Variants in MAN1C1 observed in about 807,000 individuals in gnomAD.
MAN1C1 encodes the protein mannosyl-oligosaccharide 1,2-alpha-mannosidase IC.
MAN1C1 carries 49 observed loss-of-function variants against 71.5 expected under a neutral mutation model. The ratio of observed to expected loss-of-function variants is 0.69; its 90% CI spans 0.54 to 0.87. MAN1C1 has a LOEUF of 0.87. Among genes scored for constraint, MAN1C1 ranks in the 40% least tolerant of loss-of-function variants. The probability of loss-of-function intolerance (pLI) is 0.00; values close to 1 mark genes in which losing one functional copy is unlikely to be tolerated. For missense variants in MAN1C1, 743 were observed against 835.0 expected (o/e 0.89, Z 1.36); for synonymous variants, 352 against 343.7 (o/e 1.02, Z -0.27).
chr1:25,714,403 AT>A (rs1233476276), intron 2 of MAN1C1, among the ~76,000 whole-genome samples: 1 of 152,206 alleles, frequency 6.6e-6, no homozygotes, highest in Admixed American at 6.5e-5. Flanking sequence ...AAGTAAAACT[AT>A]TCTGGCTCTT....
At position 25,779,830 on chromosome 1, in the gene MAN1C1, T is replaced by TA. The variant is rs1274496610; in HGVS notation, c.1478-1107dup. Among the ~76,000 whole-genome samples, 11 of 152,172 alleles carry TA rather than the reference T, an allele frequency of 7.2e-5. No individual in the cohort carries two copies. The highest frequency in any genetic ancestry group is 2.7e-4 in the African/African-American group (11 of 41,434). On this transcript the variant is annotated intron_variant, in intron 9 of 11. Transcript: ENST00000374332. The surrounding 1 kb of genome is among the most constrained non-coding windows in gnomAD (Gnocchi z 4.6). ...CCTGCAAACCTCTAACCCCTGCCTC[T>TA]AAAGTAAAAGCAACCTAGGGCCTCT...
intron 1 of MAN1C1, among the ~76,000 whole-genome samples, chr1:25,641,573 A>G (rs1441016225): frequency 1.3e-5 from 2 of 152,224 alleles, no homozygotes; most frequent in Non-Finnish European, 2.9e-5. Context: ...TTTAGTAAAT[A>G]CTGATGCCTG....
chr1:25,678,937 C>T (rs565573021), intron 1 of MAN1C1, among the ~76,000 whole-genome samples: 1 of 152,164 alleles, frequency 6.6e-6, no homozygotes, highest in South Asian at 2.1e-4. Flanking sequence ...TGCTTTTCTT[C>T]AGCGAGCTTG....
intron 2 of MAN1C1, among the ~76,000 whole-genome samples, chr1:25,709,270 G>T (rs1409365859): frequency 6.6e-6 from 1 of 152,190 alleles, no homozygotes; most frequent in Admixed American, 6.5e-5. Context: ...CACGGAGGAG[G>T]CAGTAAGACC....
chr1:25,714,339 T>C (rs2046651775), intron 2 of MAN1C1, among the ~76,000 whole-genome samples: 1 of 152,184 alleles, frequency 6.6e-6, no homozygotes, highest in Non-Finnish European at 1.5e-5. Flanking sequence ...AAAGAATATA[T>C]TTCTAAGTGA....
intron 2 of MAN1C1, among the ~76,000 whole-genome samples, chr1:25,739,195 AC>A (rs1241641645): frequency 2.6e-5 from 4 of 152,202 alleles, no homozygotes; most frequent in Non-Finnish European, 5.9e-5. Context: ...CCAGATGATC[AC>A]AATGGTCTGC....
At chr1:25,651,965 C>T (rs549045792) in intron 1 of MAN1C1, among the ~76,000 whole-genome samples, 84 of 152,214 alleles carry the variant, frequency 5.5e-4, no homozygotes, top group Middle Eastern at 3.4e-3. Flanking sequence ...GCCTGCCTGC[C>T]GGGGCCAGAG....
At chr1:25,682,247 G>A (rs2046165270) in intron 1 of MAN1C1, among the ~76,000 whole-genome samples, 1 of 152,196 alleles carries the variant, frequency 6.6e-6, no homozygotes, top group Admixed American at 6.5e-5. Context: ...GTCCCATCAA[G>A]TCTGCAGATT....
rs1381345759 is a variant in MAN1C1, at chr1:25,778,321, T to C, written c.1474T>C (p.Ser492Pro). The change falls in exon 9 of 12, where the codon TCA (serine) becomes CCA (proline). Residue 492 changes from serine (S) to proline (P), a missense_variant. Coordinates refer to ENST00000374332, the MANE Select transcript of MAN1C1 (RefSeq NM_020379.4). The surrounding 1 kb of genome is among the most constrained non-coding windows in gnomAD (Gnocchi z 5.5). ...GACGTGTCACGAGTCATACGCCCGC[T>C]CAGGTAACCCTGCAAGGGGAAGGGG... Reference protein sequence around the residue: ...TKTCHESYARSDTKLGPEAFW... With the variant: ...TKTCHESYARPDTKLGPEAFW... 2 of 1,606,604 alleles carry C rather than the reference T, an allele frequency of 1.2e-6. No homozygotes were observed. Among genetic ancestry groups the C allele is most frequent in the Non-Finnish European group, 1.7e-6 (2 of 1,175,502 alleles).
At chr1:25,738,670 G>A (rs1176716473) in intron 2 of MAN1C1, among the ~76,000 whole-genome samples, 1 of 152,216 alleles carries the variant, frequency 6.6e-6, no homozygotes, top group Non-Finnish European at 1.5e-5. Context: ...AGCTTTTTGA[G>A]TCATGCGTTG....
In MAN1C1 at chr1:25,730,597, G is replaced by A. The variant is rs1395476463; in HGVS notation, c.638-16071G>A. ...TTGAACTGTGTGTTTTCTCTGAAGC[G>A]GAGAGCTGTCTCCTGGGCCGTGGCA... On this transcript the variant is annotated intron_variant, in intron 2 of 11. Coordinates refer to ENST00000374332, the MANE Select transcript of MAN1C1 (RefSeq NM_020379.4). The surrounding 1 kb of genome is among the most constrained non-coding windows in gnomAD (Gnocchi z 4.3). Among the ~76,000 whole-genome samples, 8 of 152,126 alleles carry A rather than the reference G, an allele frequency of 5.3e-5. No individual in the cohort carries two copies. The East Asian group carries it at 7.7e-4, about 15-fold the overall frequency.
In MAN1C1 at chr1:25,782,709, T is replaced by C. The variant is rs371173401; in HGVS notation, c.1766+9T>C. 6.7e-5 allele frequency: 107 copies of C among 1,602,600 alleles called. No individual in the cohort carries two copies. The African/African-American group carries it at 1.3e-3, about 19-fold the overall frequency. ...CTAGCGGAGACACTAAAGTGAGCAGTGTGGGCTCTTCCTAGGGATGGACAG... is the reference window on the plus strand; with the variant it reads ...CTAGCGGAGACACTAAAGTGAGCAGCGTGGGCTCTTCCTAGGGATGGACAG... On this transcript the variant is annotated intron_variant, in intron 11 of 11. Coordinates refer to ENST00000374332, the MANE Select transcript of MAN1C1 (RefSeq NM_020379.4). This position sits in a 1 kb window ranked among gnomAD's most constrained non-coding sequence, Gnocchi z 4.4.
intron 1 of MAN1C1, among the ~76,000 whole-genome samples, chr1:25,620,744 T>C (rs947194121): frequency 1.3e-5 from 2 of 152,072 alleles, no homozygotes; most frequent in African/African-American, 4.8e-5. Flanking sequence ...TGAAAGTAAA[T>C]ATCAGGAGAG....
At chr1:25,662,771 A>T (rs1003629253) in intron 1 of MAN1C1, among the ~76,000 whole-genome samples, 1 of 152,088 alleles carries the variant, frequency 6.6e-6, no homozygotes, top group Non-Finnish European at 1.5e-5. Context: ...CTATTAAAAA[A>T]TATATTTAGG....
chr1:25,726,437 A>G (rs1265486042), intron 2 of MAN1C1, among the ~76,000 whole-genome samples: 1 of 152,178 alleles, frequency 6.6e-6, no homozygotes, highest in Non-Finnish European at 1.5e-5. Flanking sequence ...GCCACTGACT[A>G]CCAGATCCCA....
At chr1:25,676,019 T>TA (rs1423035004) in intron 1 of MAN1C1, among the ~76,000 whole-genome samples, 1 of 151,748 alleles carries the variant, frequency 6.6e-6, no homozygotes, top group Non-Finnish European at 1.5e-5. Context: ...GGTGGGAGAG[T>TA]GGAACTGAGG....
intron 1 of MAN1C1, among the ~76,000 whole-genome samples, chr1:25,623,501 G>A (rs575189792): frequency 6.6e-6 from 1 of 152,216 alleles, no homozygotes; most frequent in African/African-American, 2.4e-5. Flanking sequence ...CACAGTGACT[G>A]ATTTACATCC....
chr1:25,678,381 A>G (rs1264821731), intron 1 of MAN1C1, among the ~76,000 whole-genome samples: 2 of 152,244 alleles, frequency 1.3e-5, no homozygotes, highest in African/African-American at 2.4e-5. Flanking sequence ...AAATATGCAA[A>G]GAGCTGCACA....
intron 1 of MAN1C1, among the ~76,000 whole-genome samples, chr1:25,644,144 G>T (rs1176534856): frequency 6.6e-6 from 1 of 152,124 alleles, no homozygotes. Flanking sequence ...GCAAAGGGCT[G>T]CGGAGTCACC....
Sources: allele counts gnomAD v4.1 joint callset (sites outside exome capture counted in the v4.1 genomes callset), GRCh38; gene constraint gnomAD v4.1.1; non-coding constraint Gnocchi (gnomAD v3.1); transcripts MANE v1.5; gene names NCBI Gene and HGNC (gene_info 2026-07-23, HGNC 2026-07-21).